The following CHN1 variants were observed in gnomAD, a reference collection of about 807,000 sequenced individuals.
CHN1 encodes the protein N-chimaerin.
CHN1 carries 37 observed loss-of-function variants against 59.5 expected under a neutral mutation model. The observed-to-expected ratio is 0.62, with a 90% confidence interval of 0.48 to 0.82. The LOEUF is 0.82. Among genes scored for constraint, CHN1 ranks in the 40% least tolerant of loss-of-function variants. The pLI, the probability that CHN1 is intolerant of heterozygous loss-of-function variation, is 0.00. For synonymous variants in CHN1, 206 were observed against 200.4 expected (o/e 1.03, Z -0.24); for missense variants, 469 against 571.0 (o/e 0.82, Z 1.82).
intron 6 of CHN1, among the ~76,000 whole-genome samples, chr2:174,868,372 T>C (rs983919823): frequency 7.9e-5 from 12 of 152,104 alleles, no homozygotes; most frequent in African/African-American, 2.9e-4. Context: ...TAAGAAACAC[T>C]ACACCTCTAG....
intron 3 of CHN1, among the ~76,000 whole-genome samples, chr2:174,929,237 A>C (rs561017382): frequency 6.6e-6 from 1 of 152,316 alleles, no homozygotes; most frequent in African/African-American, 2.4e-5. Context: ...TAATTCAATA[A>C]AGAATATTTA....
At chr2:174,813,898 G>A (rs1226147588) in intron 8 of CHN1, among the ~76,000 whole-genome samples, 1 of 152,160 alleles carries the variant, frequency 6.6e-6, no homozygotes, top group Non-Finnish European at 1.5e-5. Context: ...AATGCATTCA[G>A]GTGCTTTGAA....
chr2:174,860,881 T>C (rs937083121), intron 6 of CHN1, among the ~76,000 whole-genome samples: 1 of 152,128 alleles, frequency 6.6e-6, no homozygotes, highest in African/African-American at 2.4e-5. Context: ...CCAATATGGA[T>C]GTGCTTTTAA....
intron 8 of CHN1, among the ~76,000 whole-genome samples, chr2:174,816,359 TG>T (rs1685261593): frequency 6.6e-6 from 1 of 152,146 alleles, no homozygotes; most frequent in Non-Finnish European, 1.5e-5. Flanking sequence ...TGCAAGGTGG[TG>T]GTGGAAAACT....
chr2:174,873,298 A>C (rs1256086222), intron 6 of CHN1, among the ~76,000 whole-genome samples: 3 of 152,158 alleles, frequency 2.0e-5, no homozygotes, highest in African/African-American at 7.2e-5. Context: ...GTTAAGAGGG[A>C]GAAGAACAAA....
intron 5 of CHN1, among the ~76,000 whole-genome samples, chr2:174,893,297 A>G (rs920936083): frequency 2.0e-5 from 3 of 152,214 alleles, no homozygotes; most frequent in African/African-American, 7.2e-5. Flanking sequence ...ATCAACATGG[A>G]AAAATCAGCT....
chr2:174,931,122 G>T (rs1335105198), intron 3 of CHN1, among the ~76,000 whole-genome samples: 5 of 127,730 alleles, frequency 3.9e-5, no homozygotes, highest in East Asian at 2.1e-4. Context: ...CACTTCAAAA[G>T]AAATATATGG....
chr2:174,859,183 G>C (rs1686996421), intron 6 of CHN1, among the ~76,000 whole-genome samples: 1 of 152,126 alleles, frequency 6.6e-6, no homozygotes, highest in African/African-American at 2.4e-5. Context: ...GATGTGCATA[G>C]ATCCAGGAGT....
chr2:174,988,581 C>A (rs966105789), intron 1 of CHN1, among the ~76,000 whole-genome samples: 1 of 152,038 alleles, frequency 6.6e-6, no homozygotes, highest in Non-Finnish European at 1.5e-5. Flanking sequence ...TGCCTTGAGA[C>A]AATATGACAG....
intron 3 of CHN1, among the ~76,000 whole-genome samples, chr2:174,935,400 G>T (rs1250974486): frequency 6.6e-6 from 1 of 152,134 alleles, no homozygotes; most frequent in African/African-American, 2.4e-5. Context: ...AACAGATATA[G>T]GTATTAATGC....
intron 11 of CHN1, among the ~76,000 whole-genome samples, chr2:174,808,279 G>GTTTGTT (rs1177662296): frequency 6.6e-6 from 1 of 152,024 alleles, no homozygotes; most frequent in Non-Finnish European, 1.5e-5. Context: ...TTGGTTTTTT[G>GTTTGTT]TTTGTTTTTG....
intron 2 of CHN1, among the ~76,000 whole-genome samples, chr2:174,951,134 G>A (rs1192732684): frequency 6.6e-6 from 1 of 152,172 alleles, no homozygotes; most frequent in Admixed American, 6.5e-5. Context: ...AAAATCTTTA[G>A]GAGGTAAAGA....
chr2:175,002,176 G>T (rs1174525807), intron 1 of CHN1, among the ~76,000 whole-genome samples: 1 of 152,126 alleles, frequency 6.6e-6, no homozygotes, highest in Non-Finnish European at 1.5e-5. Context: ...TTGAAATTGG[G>T]GGATTTAAAA....
rs538707336 is a variant in CHN1 at position 174,929,565 on chromosome 2, G to A, written c.115-11000C>T. 6.0e-5 allele frequency among the ~76,000 whole-genome samples: 9 copies of A among 150,568 alleles called. No homozygotes were observed. In the South Asian group the frequency reaches 1.7e-3, roughly 28 times the overall value. ...TGCACTCCAGCCTGGGTGACAGAGTGAGACTCTATTTCAAAAAAAAAAAGG... is the reference window on the plus strand; with the variant it reads ...TGCACTCCAGCCTGGGTGACAGAGTAAGACTCTATTTCAAAAAAAAAAAGG... On this transcript the variant is annotated intron_variant, in intron 3 of 12. Transcript: ENST00000409900.
At chr2:174,987,632 C>T (rs183213404) in intron 1 of CHN1, among the ~76,000 whole-genome samples, 1 of 152,232 alleles carries the variant, frequency 6.6e-6, no homozygotes, top group East Asian at 1.9e-4. Context: ...GATGGGGTTT[C>T]ACTGTATTGG....
chr2:174,966,426 G>T (rs181095664), intron 1 of CHN1, among the ~76,000 whole-genome samples: 2 of 151,820 alleles, frequency 1.3e-5, no homozygotes, highest in African/African-American at 4.8e-5. Context: ...TTTTGTAAAT[G>T]CAGTGCTCAA....
At chr2:174,817,723 C>T (rs559483206) in intron 8 of CHN1, among the ~76,000 whole-genome samples, 4 of 151,608 alleles carry the variant, frequency 2.6e-5, no homozygotes, top group South Asian at 2.1e-4. Flanking sequence ...CTGCAAGCTC[C>T]GCCTCCCAGG....
intron 7 of CHN1, among the ~76,000 whole-genome samples, chr2:174,830,134 G>A (rs1366383306): frequency 2.0e-5 from 3 of 152,108 alleles, no homozygotes; most frequent in Non-Finnish European, 2.9e-5. Context: ...TCGGGAGGCT[G>A]AGGCAGGAGA....
At chr2:174,845,533 C>T (rs919807531) in intron 7 of CHN1, among the ~76,000 whole-genome samples, 7 of 151,956 alleles carry the variant, frequency 4.6e-5, no homozygotes, top group Non-Finnish European at 8.8e-5. Context: ...CTTTTCTATC[C>T]GGTATTTAAT....
Sources: allele counts gnomAD v4.1 joint callset (sites outside exome capture counted in the v4.1 genomes callset), GRCh38; gene constraint gnomAD v4.1.1; transcripts MANE v1.5; gene names NCBI Gene and HGNC (gene_info 2026-07-23, HGNC 2026-07-21).